FAM107B: variants seen among roughly 807,000 people sequenced by gnomAD.
FAM107B encodes protein FAM107B.
FAM107B carries 21 observed loss-of-function variants against 31.5 expected under a neutral mutation model. That is an observed-to-expected ratio of 0.67 (90% CI 0.47 to 0.96). FAM107B has a LOEUF of 0.96. Ranked by LOEUF, FAM107B falls within the 40% of genes least tolerant of loss-of-function variation. The pLI is 0.00. For synonymous variants in FAM107B, 157 were observed against 141.5 expected (o/e 1.11, Z -0.78); for missense variants, 452 against 377.1 (o/e 1.20, Z -1.64).
chr10:14,739,203 C>T (rs1189585445), intron 1 of FAM107B, among the ~76,000 whole-genome samples: 1 of 152,158 alleles, frequency 6.6e-6, no homozygotes, highest in Non-Finnish European at 1.5e-5. Flanking sequence ...CACAGGGTGG[C>T]CCAGATTCAA....
At chr10:14,685,372 C>T (rs1034153530) in intron 1 of FAM107B, among the ~76,000 whole-genome samples, 7 of 152,066 alleles carry the variant, frequency 4.6e-5, no homozygotes, top group African/African-American at 1.7e-4. Flanking sequence ...TGACCTCAAA[C>T]TCCTGGGCCC....
rs767873496 is a variant in FAM107B, at chr10:14,651,707, G to C, written c.469+15927C>G. Among the ~76,000 whole-genome samples the C allele has an allele frequency of 3.1e-3, 473 of 152,284 alleles. 4 individuals carry two copies. Among genetic ancestry groups the C allele is most frequent in the Non-Finnish European group, 4.0e-3 (269 of 68,018 alleles). The stretch of plus-strand genomic sequence containing the variant: ...TTTGTAGGTACTTAATGACTTCCTT[G>C]AGACTGTAGAATTTGACTTGCACCC... On this transcript the variant is annotated intron_variant, in intron 2 of 4. Transcript: ENST00000181796.
chr10:14,691,622 G>A (rs1470399176), intron 1 of FAM107B, among the ~76,000 whole-genome samples: 1 of 152,156 alleles, frequency 6.6e-6, no homozygotes, highest in Admixed American at 6.5e-5. Context: ...GGCTGGGTGT[G>A]GTGGCTCATG....
At chr10:14,666,578 A>G (rs566621717) in intron 2 of FAM107B, among the ~76,000 whole-genome samples, 3 of 152,188 alleles carry the variant, frequency 2.0e-5, no homozygotes, top group African/African-American at 4.8e-5. Flanking sequence ...TCATGAAAAA[A>G]AAATGTGTAA....
At chr10:14,667,765 T>G (rs1854443509) in intron 1 of FAM107B, 74 bp from the exon 2 acceptor site, 2 of 1,491,548 alleles carry the variant, frequency 1.3e-6, no homozygotes, top group Admixed American at 1.7e-5. Context: ...CAATACTTTT[T>G]GCAAGCCTAC....
chr10:14,526,920 C>T (rs1411377430), intron 3 of FAM107B, among the ~76,000 whole-genome samples: 1 of 151,840 alleles, frequency 6.6e-6, no homozygotes, highest in African/African-American at 2.4e-5. Flanking sequence ...TCACTGCAAG[C>T]TCCGCCTCCC....
chr10:14,521,745 C>A, intron 4 of FAM107B, 124 bp downstream of exon 4: 1 of 1,379,632 alleles, frequency 7.2e-7, no homozygotes, highest in Non-Finnish European at 9.8e-7. Context: ...ACATTTGTCT[C>A]CAATATTTCT....
At chr10:14,596,644 C>A (rs1474206604) in intron 2 of FAM107B, among the ~76,000 whole-genome samples, 1 of 152,176 alleles carries the variant, frequency 6.6e-6, no homozygotes, top group Admixed American at 6.5e-5. Flanking sequence ...TCAAACTCTA[C>A]GTCTGATGTC....
rs576502736 is a variant in FAM107B at position 14,665,943 on chromosome 10, T to C, written c.469+1691A>G. On this transcript the variant is annotated intron_variant, in intron 2 of 4. Transcript: ENST00000181796. ...ATCGCAGAAATCTAAAATAGCATAG[T>C]GTTGGCCTATGTCAAACCTACCCCA... Among the ~76,000 whole-genome samples, 67 of 152,320 alleles carry C rather than the reference T, an allele frequency of 4.4e-4. No homozygotes were observed. The South Asian group carries it at 0.013, about 30-fold the overall frequency.
intron 1 of FAM107B, among the ~76,000 whole-genome samples, chr10:14,731,290 G>A (rs1329408337): frequency 9.2e-5 from 14 of 152,302 alleles, no homozygotes; most frequent in Admixed American, 5.2e-4. Context: ...GGCCAGGTGT[G>A]GTGGCTCACG....
chr10:14,616,831 G>A (rs1313115606), intron 2 of FAM107B, among the ~76,000 whole-genome samples: 3 of 152,096 alleles, frequency 2.0e-5, no homozygotes, highest in Admixed American at 6.6e-5. Context: ...AGGCTGAGGT[G>A]GGAGGATGCC....
chr10:14,671,882 A>AAC (rs1854559811), intron 1 of FAM107B, among the ~76,000 whole-genome samples: 2 of 88,104 alleles, frequency 2.3e-5, no homozygotes, highest in South Asian at 4.1e-4. Flanking sequence ...TAAAAAAAAA[A>AAC]AACAAAAAAA....
chr10:14,603,427 T>C (rs1050431116), intron 2 of FAM107B, among the ~76,000 whole-genome samples: 28 of 152,206 alleles, frequency 1.8e-4, no homozygotes, highest in African/African-American at 6.8e-4. Flanking sequence ...TCCGCTGTCA[T>C]TGCCTAAAAT....
chr10:14,522,868 T>G (rs565876835), intron 3 of FAM107B, among the ~76,000 whole-genome samples: 5 of 152,150 alleles, frequency 3.3e-5, no homozygotes, highest in Admixed American at 1.3e-4. Flanking sequence ...CTGAAGGACA[T>G]GGCCGTGCAG....
At chr10:14,687,513 C>T (rs1448911752) in intron 1 of FAM107B, among the ~76,000 whole-genome samples, 1 of 152,142 alleles carries the variant, frequency 6.6e-6, no homozygotes, top group Non-Finnish European at 1.5e-5. Flanking sequence ...AATTCTGTCA[C>T]CTTGTACACA....
chr10:14,715,427 G>A (rs1484051582), intron 1 of FAM107B, among the ~76,000 whole-genome samples: 2 of 152,190 alleles, frequency 1.3e-5, no homozygotes, highest in Non-Finnish European at 2.9e-5. Flanking sequence ...CAACTTAAGA[G>A]TTTGTATTAG....
intron 3 of FAM107B, among the ~76,000 whole-genome samples, chr10:14,522,660 C>A (rs143696475): frequency 6.6e-6 from 1 of 151,976 alleles, no homozygotes; most frequent in African/African-American, 2.4e-5. Context: ...GGGATCCACT[C>A]GCCTCGGCCT....
At chr10:14,760,618 T>C (rs565986760) in intron 1 of FAM107B, among the ~76,000 whole-genome samples, 3 of 152,310 alleles carry the variant, frequency 2.0e-5, no homozygotes, top group East Asian at 3.8e-4. Flanking sequence ...CAATTTTAGC[T>C]TTACGATCCA....
Position 14,519,233 on chromosome 10 carries a change from C to G in FAM107B, c.*1957G>C, listed in dbSNP as rs1466958563. On this transcript the variant is annotated 3_prime_UTR_variant, in exon 5 of 5. Transcript: ENST00000181796. The stretch of plus-strand genomic sequence containing the variant: ...AAATGGTCCTTCTAAAGGAGCCTAC[C>G]AGGGCCCCTGTGAATACGATCAAGT... 1.3e-5 allele frequency: 2 copies of G among 151,878 alleles called. No individual in the cohort carries two copies. The highest frequency in any genetic ancestry group is 2.9e-5 in the Non-Finnish European group (2 of 67,986). The allele number at this position is 151,878 out of a possible 1,614,324, so 9.4% of individuals were successfully genotyped here. A position where few individuals can be genotyped will look rare whatever the true frequency, so the allele number is the denominator to read the frequency against.
Sources: allele counts gnomAD v4.1 joint callset (sites outside exome capture counted in the v4.1 genomes callset), GRCh38; gene constraint gnomAD v4.1.1; transcripts MANE v1.5; gene names NCBI Gene and HGNC (gene_info 2026-07-23, HGNC 2026-07-21).